Variants in HTR3B observed in about 807,000 individuals in gnomAD.
The protein encoded by HTR3B is 5-hydroxytryptamine receptor 3B.
In HTR3B, 44 loss-of-function variants were observed where a neutral mutation model predicts 42.8. The observed-to-expected ratio is 1.03, with a 90% confidence interval of 0.81 to 1.32. The LOEUF (loss-of-function observed/expected upper bound fraction) is 1.32. Among genes scored for constraint, HTR3B ranks in the 40% most tolerant of loss-of-function variants. HTR3B has a pLI of 0.00. For synonymous variants in HTR3B, 203 were observed against 209.0 expected, an observed-to-expected ratio of 0.97 and a Z score of 0.25; for missense variants, 527 against 536.5, an observed-to-expected ratio of 0.98 and a Z score of 0.17.
rs562517990 is a variant in HTR3B at position 113,927,305 on chromosome 11, C to T, written c.214-4079C>T. ...ATCTTTTATTACTACTGAGGTTAAA[C>T]ATTTTCATGTGATTACTGGCCATTC... On this transcript the variant is annotated intron_variant, in intron 2 of 8. Transcript: ENST00000260191. 4.6e-5 allele frequency among the ~76,000 whole-genome samples: 7 copies of T among 152,216 alleles called. No homozygotes were observed. In the South Asian group the frequency reaches 1.5e-3, roughly 32 times the overall value.
chr11:113,926,796 T>TGG (rs1490750363), intron 2 of HTR3B, among the ~76,000 whole-genome samples: 3 of 152,220 alleles, frequency 2.0e-5, no homozygotes, highest in Non-Finnish European at 4.4e-5. Flanking sequence ...TCCAAAGTGC[T>TGG]GGGATTACAG....
upstream of HTR3B, among the ~76,000 whole-genome samples, chr11:113,904,298 G>A (rs1012164491): frequency 5.9e-5 from 9 of 152,192 alleles, no homozygotes; most frequent in Non-Finnish European, 8.8e-5. Context: ...GTGAAAATTT[G>A]AGAAGCCCTC....
intron 6 of HTR3B, among the ~76,000 whole-genome samples, chr11:113,938,080 C>T (rs1950105451): frequency 6.6e-6 from 1 of 152,100 alleles, no homozygotes; most frequent in Non-Finnish European, 1.5e-5. Flanking sequence ...TGTGTCTCTT[C>T]TCTTCTTATC....
chr11:113,913,966 C>T (rs1008386328), intron 2 of HTR3B, among the ~76,000 whole-genome samples: 11 of 152,052 alleles, frequency 7.2e-5, no homozygotes, highest in African/African-American at 2.2e-4. Context: ...CTCCATGCTA[C>T]GATGCAGTGA....
At position 113,923,669 on chromosome 11, in the gene HTR3B, T is replaced by C. The variant is rs190117790; in HGVS notation, c.214-7715T>C. Reference sequence around the variant, plus strand: ...TAATGAATTCCAATTCTCTGAAATATCCTTTGCTTTTAACAAGCAAGATGG... The same window carrying C: ...TAATGAATTCCAATTCTCTGAAATACCCTTTGCTTTTAACAAGCAAGATGG... On this transcript the variant is annotated intron_variant, in intron 2 of 8. Coordinates refer to ENST00000260191, the MANE Select transcript of HTR3B (RefSeq NM_006028.5). 1.3e-3 allele frequency among the ~76,000 whole-genome samples: 205 copies of C among 152,256 alleles called. 3 individuals are homozygous for C. The highest frequency in any genetic ancestry group is 0.011 in the Admixed American group (163 of 15,276).
chr11:113,910,930 T>A (rs1949786527), intron 2 of HTR3B, among the ~76,000 whole-genome samples: 1 of 150,420 alleles, frequency 6.6e-6, no homozygotes, highest in Non-Finnish European at 1.5e-5. Flanking sequence ...TCTGGGTTCA[T>A]GCCATTCTGC....
At chr11:113,932,524 C>G (rs1445604207) in intron 5 of HTR3B, 66 bp downstream of exon 5, 1 of 1,245,248 alleles carries the variant, frequency 8.0e-7, no homozygotes, top group Non-Finnish European at 1.1e-6. Flanking sequence ...ATTATACTAT[C>G]CTTCAGGTCT....
intron 2 of HTR3B, among the ~76,000 whole-genome samples, chr11:113,910,014 G>A (rs900493926): frequency 2.2e-5 from 3 of 135,096 alleles, no homozygotes; most frequent in Admixed American, 1.5e-4. Context: ...AAAAAAACTT[G>A]TGGTCATGGA....
intron 5 of HTR3B, 27 bp downstream of exon 5, chr11:113,932,485 G>A: frequency 6.3e-7 from 1 of 1,578,298 alleles, no homozygotes; most frequent in Non-Finnish European, 8.7e-7. Flanking sequence ...ACCCATTAAT[G>A]CTAGGTTGGT....
At position 113,947,763 on chromosome 11, in the gene HTR3B, T is replaced by C. The variant is rs1233079993; in HGVS notation, c.*1626T>C. 6.6e-6 allele frequency among the ~76,000 whole-genome samples: 1 copy of C among 152,130 alleles called. No homozygotes were observed. Among genetic ancestry groups the C allele is most frequent in the Non-Finnish European group, 1.5e-5 (1 of 68,012 alleles). ...TACTAGGGGTTAGGATGTCAACATA[T>C]GAATTTTGGGGAGTGGGCAGCAGAC... is the stretch of plus-strand genomic sequence containing the variant. On this transcript the variant is annotated 3_prime_UTR_variant, in exon 9 of 9. Transcript: ENST00000260191.
At chr11:113,944,891 A>G in intron 8 of HTR3B, 136 bp downstream of exon 8, 1 of 689,662 alleles carries the variant, frequency 1.4e-6, no homozygotes, top group Non-Finnish European at 2.4e-6. Context: ...TGGGTGTGGC[A>G]TTTTATATTA....
At chr11:113,900,123 T>A (rs189235858), upstream of HTR3B, among the ~76,000 whole-genome samples, 12 of 152,130 alleles carry the variant, frequency 7.9e-5, no homozygotes, top group Non-Finnish European at 1.8e-4. Context: ...CCGGGTGTGG[T>A]GGCATGCACC....
rs202109882 is a variant in HTR3B, at chr11:113,932,954, C to A, written c.557C>A (p.Ala186Asp). 2 of 1,613,984 alleles carry A rather than the reference C, an allele frequency of 1.2e-6. No homozygotes were observed. The highest frequency in any genetic ancestry group is 1.7e-6 in the Non-Finnish European group (2 of 1,179,956). The change falls in exon 6 of 9, where the codon GCC becomes GAC. Residue 186 changes from alanine (A) to aspartate (D), a missense_variant. Ala to Asp is a moderately radical substitution (Grantham distance 126). Transcript: ENST00000260191. ...TTTGCAGTGGAAGACGTAGACCTGGCCTTTCTGAGGAGCCCAGAAGACATT... is the reference window on the plus strand; with the variant it reads ...TTTGCAGTGGAAGACGTAGACCTGGACTTTCTGAGGAGCCCAGAAGACATT... ...ILHTVEDVDLAFLRSPEDIQH... is the reference protein window; with the variant it reads ...ILHTVEDVDLDFLRSPEDIQH...
At position 113,948,056 on chromosome 11, in the gene HTR3B, G is replaced by A. The variant is rs1950192904; in HGVS notation, c.*1919G>A. ...ATCTTCCCTCTCTCATTACCTCCCA[G>A]TTAGTGCTCAGCGCCAATTGTCCAT... On this transcript the variant is annotated 3_prime_UTR_variant, in exon 9 of 9. Coordinates refer to ENST00000260191, the MANE Select transcript of HTR3B (RefSeq NM_006028.5). Among the ~76,000 whole-genome samples the A allele has an allele frequency of 6.6e-6, 1 of 151,556 alleles. No individual in the cohort carries two copies. The highest frequency in any genetic ancestry group is 2.4e-5 in the African/African-American group (1 of 41,134).
intron 2 of HTR3B, among the ~76,000 whole-genome samples, chr11:113,927,949 G>A (rs910594826): frequency 6.6e-6 from 1 of 152,134 alleles, no homozygotes; most frequent in Non-Finnish European, 1.5e-5. Context: ...GTAAACGTGT[G>A]CCATGGTTTG....
chr11:113,904,532 T>C (rs1358392670), upstream of HTR3B: 1 of 161,466 alleles, frequency 6.2e-6, no homozygotes, highest in Admixed American at 6.3e-5. Context: ...ATGAAATTAG[T>C]GTCCTGAATG....
chr11:113,945,851 T>G (rs1950172331), intron 8 of HTR3B, 51 bp from the exon 9 acceptor site: 2 of 1,287,740 alleles, frequency 1.6e-6, no homozygotes, highest in African/African-American at 1.5e-5. Flanking sequence ...AAAGTCCAGG[T>G]GGGTCTTGGT....
chr11:113,917,355 A>G (rs374878937), intron 2 of HTR3B, among the ~76,000 whole-genome samples: 80 of 150,532 alleles, frequency 5.3e-4, no homozygotes, highest in African/African-American at 1.9e-3. Flanking sequence ...CTGGTCTTGA[A>G]CTCCTGACCT....
At chr11:113,901,797 C>T (rs1236812533), upstream of HTR3B, among the ~76,000 whole-genome samples, 2 of 152,158 alleles carry the variant, frequency 1.3e-5, no homozygotes, top group Non-Finnish European at 2.9e-5. Context: ...AGCACGTCCC[C>T]AGAAGGTTTG....
Sources: gnomAD v4.1 joint callset for allele counts (sites outside exome capture counted in the v4.1 genomes callset) on GRCh38, gnomAD v4.1.1 for gene constraint, MANE v1.5 for transcripts, NCBI Gene and HGNC (gene_info 2026-07-23, HGNC 2026-07-21) for gene names.